MVB12B: variants seen among roughly 807,000 people sequenced by gnomAD.
MVB12B encodes the protein ESCRT-I complex subunit MVB12B.
In MVB12B, 16 loss-of-function variants were observed where a neutral mutation model predicts 41.6. The observed-to-expected ratio is 0.38, with a 90% CI of 0.26 to 0.58. The LOEUF (loss-of-function observed/expected upper bound fraction) is 0.58, where lower values mean the gene tolerates loss of function less well. Ranked by LOEUF, MVB12B falls within the 20% of genes least tolerant of loss-of-function variation. MVB12B has a pLI of 0.62. For synonymous variants in MVB12B, 133 were observed against 139.7 expected (o/e 0.95, Z 0.34); for missense variants, 274 against 380.2 (o/e 0.72, Z 2.32).
chr9:126,387,527 T>C (rs1830832552), intron 4 of MVB12B, among the ~76,000 whole-genome samples: 1 of 152,236 alleles, frequency 6.6e-6, no homozygotes. Context: ...CTTCATATGA[T>C]ATGAACTAGA....
chr9:126,502,525 C>T (rs987534887), intron 9 of MVB12B, among the ~76,000 whole-genome samples: 1 of 151,076 alleles, frequency 6.6e-6, no homozygotes, highest in African/African-American at 2.5e-5. Context: ...AGGGCTGAGC[C>T]GTGGAGGAAG....
chr9:126,444,770 CAAGAT>C (rs1832724402), intron 7 of MVB12B, among the ~76,000 whole-genome samples: 1 of 152,056 alleles, frequency 6.6e-6, no homozygotes, highest in South Asian at 2.1e-4. Flanking sequence ...TGATGTGTGA[CAAGAT>C]AAGAATCTAT....
chr9:126,347,801 A>G (rs1829640198), intron 2 of MVB12B, among the ~76,000 whole-genome samples: 1 of 152,252 alleles, frequency 6.6e-6, no homozygotes. Context: ...GCAGATATCA[A>G]GTGGAAATGT....
At chr9:126,427,397 A>C (rs1271441410) in intron 7 of MVB12B, among the ~76,000 whole-genome samples, 1 of 152,154 alleles carries the variant, frequency 6.6e-6, no homozygotes, top group Non-Finnish European at 1.5e-5. Flanking sequence ...CCTGCTGCTC[A>C]CAGCTGCCCC....
intron 9 of MVB12B, among the ~76,000 whole-genome samples, chr9:126,495,610 T>C (rs906801417): frequency 6.6e-6 from 1 of 152,070 alleles, no homozygotes; most frequent in African/African-American, 2.4e-5. Flanking sequence ...CTGGGCGCCG[T>C]GTAGGGAGTG....
At chr9:126,452,060 A>G (rs1204386608) in intron 7 of MVB12B, among the ~76,000 whole-genome samples, 1 of 152,206 alleles carries the variant, frequency 6.6e-6, no homozygotes, top group African/African-American at 2.4e-5. Context: ...GCTCCTGTGC[A>G]TGTCGGAGGC....
intron 7 of MVB12B, among the ~76,000 whole-genome samples, chr9:126,434,633 T>A (rs1468677): frequency 1.3e-5 from 2 of 152,228 alleles, no homozygotes; most frequent in Admixed American, 6.5e-5. Flanking sequence ...ATATGCCCTG[T>A]GTAGCAAAAC....
chr9:126,363,036 CATT>C (rs1412285982), intron 2 of MVB12B, among the ~76,000 whole-genome samples: 1 of 151,848 alleles, frequency 6.6e-6, no homozygotes, highest in Admixed American at 6.6e-5. Context: ...AAAATACAAA[CATT>C]AGCTGGGTGT....
intron 7 of MVB12B, among the ~76,000 whole-genome samples, chr9:126,428,562 C>T (rs1315060136): frequency 6.6e-6 from 1 of 152,014 alleles, no homozygotes; most frequent in African/African-American, 2.4e-5. Flanking sequence ...GATCAGGAAG[C>T]ACTGCAGGGT....
In MVB12B at chr9:126,392,462, C is replaced by T. The variant is rs1049738039; in HGVS notation, c.539+267C>T. Among the ~76,000 whole-genome samples the T allele has an allele frequency of 1.3e-5, 2 of 152,218 alleles. No individual in the cohort carries two copies. The highest frequency in any genetic ancestry group is 2.1e-4 in the South Asian group (1 of 4,836). On this transcript the variant is annotated intron_variant, in intron 5 of 9. Transcript: ENST00000361171. This position sits in a 1 kb window ranked among gnomAD's most constrained non-coding sequence, Gnocchi z 4.8. ...AGCTCCTCTGGGTCCTTCCCCGACA[C>T]CCTGTGATGCCACTGGCCTCAGCTC...
chr9:126,466,594 CAAAGA>C (rs1290265699), intron 7 of MVB12B, among the ~76,000 whole-genome samples: 13 of 152,120 alleles, frequency 8.5e-5, no homozygotes, highest in Non-Finnish European at 1.9e-4. Context: ...CAGACCGCAC[CAAAGA>C]AGACTTCCGG....
Position 126,333,987 on chromosome 9 carries a change from A to C in MVB12B, c.82-6521A>C, listed in dbSNP as rs1453106866. On this transcript the variant is annotated intron_variant, in intron 1 of 9. Transcript: ENST00000361171. The surrounding 1 kb of genome is among the most constrained non-coding windows in gnomAD (Gnocchi z 4.7). ...GTCAGCTGGGAGCTGTTACAAATGC[A>C]TGTTCTTAGACCAGCTCAGGCCTAC... Among the ~76,000 whole-genome samples the C allele has an allele frequency of 6.6e-6, 1 of 152,154 alleles. No homozygotes were observed. Among genetic ancestry groups the C allele is most frequent in the Admixed American group, 6.5e-5 (1 of 15,288 alleles).
At chr9:126,481,898 C>G (rs950748942) in intron 8 of MVB12B, among the ~76,000 whole-genome samples, 1 of 152,236 alleles carries the variant, frequency 6.6e-6, no homozygotes, top group Non-Finnish European at 1.5e-5. Context: ...CCTCGTTTTC[C>G]CATTGTCATA....
chr9:126,496,086 A>G lies in MVB12B; in HGVS notation c.874-7091A>G, dbSNP rs144517348. On this transcript the variant is annotated intron_variant, in intron 9 of 9. Transcript: ENST00000361171. Reference sequence around the variant, plus strand: ...GGACTAGAAACCAGGATGACCTTCTACCTGCCCAAGAACTGAGCCCCTAAA... The same window carrying G: ...GGACTAGAAACCAGGATGACCTTCTGCCTGCCCAAGAACTGAGCCCCTAAA... 3.3e-5 allele frequency among the ~76,000 whole-genome samples: 5 copies of G among 152,168 alleles called. No homozygotes were observed. In the East Asian group the frequency reaches 9.7e-4, roughly 29 times the overall value.
In MVB12B at chr9:126,386,620, C is replaced by A. The variant is rs1588129610; in HGVS notation, c.371C>A (p.Pro124His). 1 of 1,614,078 alleles carries A rather than the reference C, an allele frequency of 6.2e-7. No individual in the cohort carries two copies. Among genetic ancestry groups the A allele is most frequent in the Non-Finnish European group, 8.5e-7 (1 of 1,179,948 alleles). ...CTCATTGACATCAAGGACACACTGC[C>A]TGTGGGCTTCATCCCAATTCAGGAG... ...MKLIDIKDTLPVGFIPIQETV... is the reference protein window; with the variant it reads ...MKLIDIKDTLHVGFIPIQETV... The change falls in exon 4 of 10, where the codon CCT becomes CAT. Residue 124 changes from proline (P) to histidine (H), a missense_variant. Transcript: ENST00000361171. This position sits in a 1 kb window ranked among gnomAD's most constrained non-coding sequence, Gnocchi z 4.3.
At chr9:126,453,668 A>G (rs1832923483) in intron 7 of MVB12B, among the ~76,000 whole-genome samples, 1 of 152,204 alleles carries the variant, frequency 6.6e-6, no homozygotes, top group East Asian at 1.9e-4. Flanking sequence ...TCGTACATGG[A>G]CACAATCTCA....
intron 7 of MVB12B, among the ~76,000 whole-genome samples, chr9:126,469,510 G>A (rs1833269981): frequency 6.6e-6 from 1 of 152,212 alleles, no homozygotes; most frequent in Admixed American, 6.5e-5. Flanking sequence ...CACAACCGAG[G>A]GGTGTATGTG....
Position 126,421,863 on chromosome 9 carries a change from C to T in MVB12B, c.672C>T (p.Ser224=). 11 of 1,613,798 alleles carry T rather than the reference C, an allele frequency of 6.8e-6. No homozygotes were observed. Among genetic ancestry groups the T allele is most frequent in the Non-Finnish European group, 7.6e-6 (9 of 1,179,704 alleles). ...TPAPNLPRHI[S]LTLPATFRGR... is the part of the protein sequence containing the mutation. ...TCCTTCTCTTCCTCAGGCACATCTC[C>T]CTAACACTTCCTGCCACCTTCCGAG... The change falls in exon 7 of 10, where the codon TCC becomes TCT. Residue 224 remains serine (S), a synonymous_variant. Transcript: ENST00000361171.
intron 2 of MVB12B, among the ~76,000 whole-genome samples, chr9:126,357,403 G>A (rs1397935151): frequency 2.0e-5 from 3 of 152,336 alleles, no homozygotes; most frequent in Non-Finnish European, 4.4e-5. Context: ...GTAGATGCAT[G>A]TTTAACTTTA....
Sources: gnomAD v4.1 joint callset for allele counts (sites outside exome capture counted in the v4.1 genomes callset) on GRCh38, gnomAD v4.1.1 for gene constraint, Gnocchi (gnomAD v3.1) non-coding constraint, MANE v1.5 for transcripts, NCBI Gene and HGNC (gene_info 2026-07-23, HGNC 2026-07-21) for gene names.